Variants in APOOL observed in about 807,000 individuals in gnomAD.
APOOL encodes the protein MICOS complex subunit MIC27.
Under a neutral mutation model 23.1 loss-of-function variants are expected in APOOL, and 12 were observed. That is an observed-to-expected ratio of 0.52 (90% CI 0.33 to 0.84). APOOL has a LOEUF of 0.84. Among genes scored for constraint, APOOL ranks in the 40% least tolerant of loss-of-function variants. The pLI is 0.02. For missense variants in APOOL, 212 were observed against 199.6 expected (o/e 1.06, Z -0.37); for synonymous variants, 77 against 69.9 (o/e 1.10, Z -0.51).
At chrX:85,059,367 A>G (rs1435087219) in intron 5 of APOOL, among the ~76,000 whole-genome samples, 1 of 110,040 alleles carries the variant, frequency 9.1e-6, no homozygotes, top group Non-Finnish European at 1.9e-5. Flanking sequence ...TAGCAGCATG[A>G]TTTATAATCC....
intron 1 of APOOL, among the ~76,000 whole-genome samples, chrX:85,011,690 A>G (rs1449844190): frequency 8.9e-6 from 1 of 111,746 alleles, no homozygotes; most frequent in African/African-American, 3.3e-5. Flanking sequence ...ACTGTGTTCC[A>G]TTGGTCTACG....
chrX:85,057,756 G>T (rs904803820), intron 5 of APOOL, among the ~76,000 whole-genome samples: 4 of 108,515 alleles, frequency 3.7e-5, no homozygotes, highest in South Asian at 3.9e-4. Flanking sequence ...ATTATAGTAG[G>T]TAAGCAACTT....
At position 85,074,515 on chromosome X, in the gene APOOL, G is replaced by A. The variant is rs565382297; in HGVS notation, c.718+124G>A. ...AATATTTTGTCTTTCTCATATCTGT[G>A]GTTTCTGTTTCTTTTTAGGTTATGA... On this transcript the variant is annotated intron_variant, in intron 8 of 8. Transcript: ENST00000373173. 338 of 830,181 alleles carry A rather than the reference G, an allele frequency of 4.1e-4. 1 individual carries two copies. In the South Asian group the frequency reaches 8.8e-3, roughly 22 times the overall value. 68.4% of individuals were successfully genotyped at this position (830,181 alleles called of 1,213,427 possible). A position where few individuals can be genotyped will look rare whatever the true frequency, so the allele number is the denominator to read the frequency against.
At chrX:85,032,447 G>A (rs769433322) in intron 1 of APOOL, among the ~76,000 whole-genome samples, 2 of 110,197 alleles carry the variant, frequency 1.8e-5, no homozygotes, top group East Asian at 5.7e-4. Flanking sequence ...CTGGGTGGCG[G>A]AGGTTGCAGT....
intron 1 of APOOL, among the ~76,000 whole-genome samples, chrX:85,009,310 C>T (rs1414943751): frequency 8.9e-6 from 1 of 111,841 alleles, no homozygotes. Context: ...TGGCAAGAGA[C>T]TTGTTCCTGA....
At chrX:85,059,515 T>A (rs1356154230) in intron 5 of APOOL, among the ~76,000 whole-genome samples, 1 of 109,625 alleles carries the variant, frequency 9.1e-6, no homozygotes, top group African/African-American at 3.4e-5. Context: ...GTGTTCCTAT[T>A]TCTCCACATC....
intron 8 of APOOL, among the ~76,000 whole-genome samples, chrX:85,085,775 T>C (rs1254608708): frequency 8.9e-6 from 1 of 112,279 alleles, no homozygotes; most frequent in Non-Finnish European, 1.9e-5. Flanking sequence ...CTACTTACCA[T>C]GCACAAGGTA....
In APOOL at chrX:85,050,721, G is replaced by A. The variant is rs190479756; in HGVS notation, c.121-668G>A. On this transcript the variant is annotated intron_variant, in intron 2 of 8. Transcript: ENST00000373173. ...AAATACTAATTAGAATCAAAAGGCT[G>A]TTCAAAATATGAAAGGTATGAATAA... is the stretch of plus-strand genomic sequence containing the variant. 2.7e-5 allele frequency among the ~76,000 whole-genome samples: 3 copies of A among 110,078 alleles called. No individual in the cohort carries two copies. In the East Asian group the frequency reaches 8.5e-4, roughly 31 times the overall value.
chrX:85,077,090 TATAC>T (rs1387342687), intron 8 of APOOL, among the ~76,000 whole-genome samples: 1 of 100,603 alleles, frequency 9.9e-6, no homozygotes, highest in South Asian at 4.3e-4. Context: ...TATATATATA[TATAC>T]ACACACATAT....
At chrX:85,015,410 T>A (rs1447012832) in intron 1 of APOOL, among the ~76,000 whole-genome samples, 1 of 110,738 alleles carries the variant, frequency 9.0e-6, no homozygotes, top group Non-Finnish European at 1.9e-5. Flanking sequence ...TGTATTGTCA[T>A]TACCAGAATT....
intron 5 of APOOL, among the ~76,000 whole-genome samples, chrX:85,060,184 T>C (rs1690155682): frequency 9.4e-6 from 1 of 106,030 alleles, no homozygotes; most frequent in African/African-American, 3.5e-5. Context: ...GATCAGATAG[T>C]TGTAGATATG....
intron 8 of APOOL, among the ~76,000 whole-genome samples, chrX:85,079,487 T>A (rs1923997414): frequency 9.0e-6 from 1 of 111,501 alleles, no homozygotes; most frequent in Non-Finnish European, 1.9e-5. Context: ...GTTGATTCGG[T>A]TTGCCAGTAT....
chrX:85,092,727 A>T lies in APOOL; in HGVS notation c.*5049A>T. The T allele has an allele frequency of 2.1e-6, 1 of 466,049 alleles. No homozygotes were observed. Among genetic ancestry groups the T allele is most frequent in the Non-Finnish European group, 3.4e-6 (1 of 292,380 alleles). The allele number at this position is 466,049 out of a possible 1,213,427, so 38.4% of individuals were successfully genotyped here. On this transcript the variant is annotated 3_prime_UTR_variant, in exon 9 of 9. Transcript: ENST00000373173. The stretch of plus-strand genomic sequence containing the variant: ...TTTTCTATAGCTGTAAAAAGAAAAA[A>T]GTCTCACTGTTCTGAGCTTTAAAGC...
At chrX:85,025,651 A>G (rs377316354) in intron 1 of APOOL, among the ~76,000 whole-genome samples, 7 of 112,007 alleles carry the variant, frequency 6.2e-5, no homozygotes, top group Non-Finnish European at 1.1e-4. Context: ...ATGTACATTC[A>G]ACACCCAGCA....
At chrX:85,083,654 A>G (rs73509733) in intron 8 of APOOL, among the ~76,000 whole-genome samples, 32 of 112,087 alleles carry the variant, frequency 2.9e-4, no homozygotes, top group Middle Eastern at 4.7e-3. Flanking sequence ...TGAATGCTGA[A>G]TGTCATCCTG....
intron 8 of APOOL, 79 bp downstream of exon 8, chrX:85,074,470 T>G: frequency 9.6e-7 from 1 of 1,045,725 alleles, no homozygotes; most frequent in Non-Finnish European, 1.3e-6. Context: ...GGTTTGAACT[T>G]AAGATGTGTT....
intron 8 of APOOL, among the ~76,000 whole-genome samples, chrX:85,082,138 G>A (rs1303750023): frequency 1.8e-5 from 2 of 112,127 alleles, no homozygotes; most frequent in Non-Finnish European, 3.8e-5. Context: ...CATTGATGGC[G>A]AGGAGCTGTG....
intron 1 of APOOL, among the ~76,000 whole-genome samples, chrX:85,004,425 C>T (rs984150050): frequency 7.2e-5 from 8 of 111,625 alleles, no homozygotes; most frequent in African/African-American, 2.6e-4. Context: ...GCTTTCTGTG[C>T]TCGAATAACC....
rs1924540007 is a variant in APOOL, at chrX:85,092,232, TGACTA to T, written c.*4557_*4561del. ...AATATTGGTTTGGATAATGGAAAGT[TGACTA>T]GAGCTACAAAATCTGTTTCAAAATA... On this transcript the variant is annotated 3_prime_UTR_variant, in exon 9 of 9. Transcript: ENST00000373173. 10 of 542,744 alleles carry T rather than the reference TGACTA, an allele frequency of 1.8e-5. No individual in the cohort carries two copies. The highest frequency in any genetic ancestry group is 2.8e-5 in the Non-Finnish European group (10 of 362,476). The allele number at this position is 542,744 out of a possible 1,213,427, so 44.7% of individuals were successfully genotyped here. A position where few individuals can be genotyped will look rare whatever the true frequency, so the allele number is the denominator to read the frequency against.
Sources: gnomAD v4.1 joint callset for allele counts (sites outside exome capture counted in the v4.1 genomes callset) on GRCh38, gnomAD v4.1.1 for gene constraint, MANE v1.5 for transcripts, NCBI Gene and HGNC (gene_info 2026-07-23, HGNC 2026-07-21) for gene names.